Variants in SSH2 observed in about 807,000 individuals in gnomAD.
SSH2 encodes slingshot protein phosphatase 2.
Under a neutral mutation model 135.2 loss-of-function variants are expected in SSH2, and 37 were observed. The ratio of observed to expected loss-of-function variants is 0.27; its 90% confidence interval spans 0.21 to 0.36. SSH2 has a LOEUF of 0.36. Among genes scored for constraint, SSH2 ranks in the 10% least tolerant of loss-of-function variants. The pLI, the probability that SSH2 is intolerant of heterozygous loss-of-function variation, is 1.00. For synonymous variants in SSH2, 628 were observed against 646.2 expected (o/e 0.97, Z 0.43); for missense variants, 1,408 against 1,765.3 (o/e 0.80, Z 3.63).
At chr17:29,681,202 G>A (rs551830311) in intron 6 of SSH2, among the ~76,000 whole-genome samples, 4 of 151,462 alleles carry the variant, frequency 2.6e-5, no homozygotes, top group Non-Finnish European at 5.9e-5. Flanking sequence ...GGGCATGGTG[G>A]TGTGCGCCTG....
rs185452382 is a variant in SSH2, at chr17:29,668,190, G to A, written c.810-967C>T. On this transcript the variant is annotated intron_variant, in intron 9 of 15. Coordinates refer to ENST00000540801, the MANE Select transcript of SSH2 (RefSeq NM_001282129.2). ...CCTTGCTGCCTACAGCCTTATCACT[G>A]GTTGCAAAAATAGCTTTGGTAATCT... Among the ~76,000 whole-genome samples the A allele has an allele frequency of 2.7e-3, 406 of 152,270 alleles. 3 individuals are homozygous for A. Among genetic ancestry groups the A allele is most frequent in the African/African-American group, 9.2e-3 (382 of 41,544 alleles).
intron 8 of SSH2, among the ~76,000 whole-genome samples, chr17:29,675,223 T>C (rs1028913782): frequency 2.0e-5 from 3 of 152,222 alleles, no homozygotes; most frequent in Non-Finnish European, 2.9e-5. Context: ...CAGGAAATGA[T>C]AAGACTTAAT....
chr17:29,651,647 GC>G (rs2036581898), intron 12 of SSH2, among the ~76,000 whole-genome samples: 2 of 152,174 alleles, frequency 1.3e-5, no homozygotes, highest in Admixed American at 1.3e-4. Flanking sequence ...CTGAGACATT[GC>G]TTCCTTCTCA....
intron 1 of SSH2, among the ~76,000 whole-genome samples, chr17:29,901,114 C>T (rs1247257096): frequency 2.0e-5 from 3 of 151,988 alleles, no homozygotes; most frequent in Non-Finnish European, 4.4e-5. Context: ...AAACATCACA[C>T]ACCTGGGCCT....
At chr17:29,828,154 C>G (rs962809362) in intron 2 of SSH2, among the ~76,000 whole-genome samples, 2 of 152,144 alleles carry the variant, frequency 1.3e-5, no homozygotes, top group South Asian at 2.1e-4. Context: ...ATCTGTGAAC[C>G]CTGCCATCAC....
At chr17:29,911,630 C>T (rs1180905982) in intron 1 of SSH2, among the ~76,000 whole-genome samples, 1 of 152,098 alleles carries the variant, frequency 6.6e-6, no homozygotes, top group Non-Finnish European at 1.5e-5. Flanking sequence ...TATCAATTTT[C>T]CAGATAAGAA....
At chr17:29,838,372 TGGAAGCA>T (rs1568005700) in intron 2 of SSH2, among the ~76,000 whole-genome samples, 1 of 152,158 alleles carries the variant, frequency 6.6e-6, no homozygotes, top group East Asian at 1.9e-4. Context: ...GCACCATGAA[TGGAAGCA>T]GGAAGCAGGC....
At chr17:29,924,331 T>C (rs2067026579) in intron 1 of SSH2, among the ~76,000 whole-genome samples, 1 of 152,222 alleles carries the variant, frequency 6.6e-6, no homozygotes, top group Admixed American at 6.5e-5. Flanking sequence ...CTCAATAATA[T>C]TCATTCAGCA....
intron 1 of SSH2, among the ~76,000 whole-genome samples, chr17:29,929,518 T>C (rs2067140577): frequency 6.6e-6 from 1 of 152,026 alleles, no homozygotes; most frequent in Non-Finnish European, 1.5e-5. Flanking sequence ...GTGCAAATAC[T>C]GAACAGGTCT....
intron 2 of SSH2, among the ~76,000 whole-genome samples, chr17:29,832,334 G>T (rs1293005173): frequency 6.6e-6 from 1 of 152,088 alleles, no homozygotes; most frequent in Non-Finnish European, 1.5e-5. Context: ...GTCTCCCTAT[G>T]CTGCTTAGGC....
chr17:29,786,944 G>C (rs1417673144), intron 3 of SSH2, among the ~76,000 whole-genome samples: 2 of 152,114 alleles, frequency 1.3e-5, no homozygotes, highest in Non-Finnish European at 2.9e-5. Context: ...TCACAAAAAG[G>C]GGCTAGTATG....
At chr17:29,793,412 G>C (rs2617884) in intron 3 of SSH2, among the ~76,000 whole-genome samples, 67,487 of 151,874 alleles carry the variant, frequency 0.44, 15,343 homozygotes, top group Non-Finnish European at 0.49. Context: ...TATCAAATAT[G>C]AATGACAAAT....
At chr17:29,842,028 C>G (rs1432187708) in intron 2 of SSH2, among the ~76,000 whole-genome samples, 1 of 151,496 alleles carries the variant, frequency 6.6e-6, no homozygotes, top group African/African-American at 2.4e-5. Context: ...ACCACTGTCC[C>G]CAGCCCAAAC....
chr17:29,718,020 A>G (rs544422257), intron 3 of SSH2, among the ~76,000 whole-genome samples: 201 of 152,340 alleles, frequency 1.3e-3, no homozygotes, highest in Non-Finnish European at 2.2e-3. Flanking sequence ...GAGAAGGGCA[A>G]GTGGTGTAGG....
chr17:29,904,827 A>C (rs1376834499), intron 1 of SSH2, among the ~76,000 whole-genome samples: 1 of 152,224 alleles, frequency 6.6e-6, no homozygotes, highest in East Asian at 1.9e-4. Context: ...ATTAATGTGC[A>C]AAAATTGCTA....
intron 3 of SSH2, among the ~76,000 whole-genome samples, chr17:29,790,331 C>T (rs1290605090): frequency 1.3e-5 from 2 of 152,098 alleles, no homozygotes; most frequent in Non-Finnish European, 2.9e-5. Flanking sequence ...TTCTCCCCAC[C>T]AAGTAAGAAC....
At chr17:29,748,377 G>T (rs568823027) in intron 3 of SSH2, among the ~76,000 whole-genome samples, 6 of 152,164 alleles carry the variant, frequency 3.9e-5, no homozygotes, top group African/African-American at 9.6e-5. Flanking sequence ...AAACCAATTT[G>T]ATCACTTTCT....
chr17:29,655,239 G>T (rs947110520), intron 12 of SSH2, among the ~76,000 whole-genome samples: 6 of 152,028 alleles, frequency 3.9e-5, no homozygotes, highest in African/African-American at 1.2e-4. Flanking sequence ...GAGTAGCTGG[G>T]ACTACAGGCG....
chr17:29,661,224 T>C (rs1453795620), intron 11 of SSH2, among the ~76,000 whole-genome samples: 3 of 152,152 alleles, frequency 2.0e-5, no homozygotes, highest in Non-Finnish European at 4.4e-5. Flanking sequence ...CCTTATTCCA[T>C]TGGCCTTCTC....
Sources: allele counts gnomAD v4.1 joint callset (sites outside exome capture counted in the v4.1 genomes callset), GRCh38; gene constraint gnomAD v4.1.1; transcripts MANE v1.5; gene names NCBI Gene and HGNC (gene_info 2026-07-23, HGNC 2026-07-21).